The following VPS53 variants were observed in gnomAD, a reference collection of about 807,000 sequenced individuals.
VPS53 encodes the protein VPS53 subunit of GARP complex.
In VPS53, 70 loss-of-function variants were observed where a neutral mutation model predicts 107.0. The observed-to-expected ratio is 0.65, with a 90% CI of 0.54 to 0.80. The LOEUF (loss-of-function observed/expected upper bound fraction) is 0.80, where lower values mean the gene tolerates loss of function less well. Among genes scored for constraint, VPS53 ranks in the 30% least tolerant of loss-of-function variants. VPS53 has a pLI of 0.00. For synonymous variants in VPS53, 409 were observed against 393.3 expected (o/e 1.04, Z -0.47); for missense variants, 917 against 1,049.4 (o/e 0.87, Z 1.74).
intron 19 of VPS53, among the ~76,000 whole-genome samples, chr17:525,488 A>G (rs1278092297): frequency 6.6e-6 from 1 of 152,124 alleles, no homozygotes; most frequent in African/African-American, 2.4e-5. Context: ...TACGAATTCA[A>G]GATTACCCTG....
chr17:692,182 T>C (rs1972798395), intron 4 of VPS53, among the ~76,000 whole-genome samples: 3 of 152,302 alleles, frequency 2.0e-5, no homozygotes, highest in Admixed American at 1.3e-4. Context: ...GCCGGCTTTT[T>C]CTTCCTCTAA....
intron 16 of VPS53, among the ~76,000 whole-genome samples, 189 bp from the exon 17 acceptor site, chr17:552,139 C>T (rs1911877852): frequency 6.6e-6 from 1 of 152,184 alleles, no homozygotes; most frequent in Admixed American, 6.5e-5. Flanking sequence ...TGTCCTCACC[C>T]AGTCAGGATA....
At position 692,921 on chromosome 17, in the gene VPS53, G is replaced by A. The variant is rs569389312; in HGVS notation, c.285+4497C>T. Reference sequence around the variant, plus strand: ...GAGGCCGAGGCGGGCGGACCATGAAGTCAGGAGTTTGAGACCAGCCTGACC... The same window carrying A: ...GAGGCCGAGGCGGGCGGACCATGAAATCAGGAGTTTGAGACCAGCCTGACC... On this transcript the variant is annotated intron_variant, in intron 4 of 21. Transcript: ENST00000437048. Among the ~76,000 whole-genome samples, 62 of 152,270 alleles carry A rather than the reference G, an allele frequency of 4.1e-4. No individual in the cohort carries two copies. In the South Asian group the frequency reaches 0.012, roughly 30 times the overall value.
At chr17:602,238 C>T (rs1280327631) in intron 11 of VPS53, among the ~76,000 whole-genome samples, 1 of 152,230 alleles carries the variant, frequency 6.6e-6, no homozygotes, top group Non-Finnish European at 1.5e-5. Flanking sequence ...CTACATGTCT[C>T]CTACCCAGGC....
chr17:714,305 C>G (rs1270571918), intron 1 of VPS53: 7 of 364,790 alleles, frequency 1.9e-5, no homozygotes, highest in Admixed American at 4.5e-5. Flanking sequence ...ATGAAGCCCC[C>G]ACAGTCCCCA....
At chr17:643,253 TTGGAAAGTGAGGACAACACTCATAC>T (rs1970523376) in intron 7 of VPS53, among the ~76,000 whole-genome samples, 1 of 25,106 alleles carries the variant, frequency 4.0e-5, no homozygotes, top group Non-Finnish European at 1.5e-4. Flanking sequence ...ACACTCATAC[TTGGAAAGTGAGGACAACACTCATAC>T]TTGGAAAGTG....
At chr17:630,493 A>G (rs1018482852) in intron 8 of VPS53, among the ~76,000 whole-genome samples, 4 of 152,186 alleles carry the variant, frequency 2.6e-5, no homozygotes, top group Admixed American at 1.3e-4. Context: ...CCCTGCAGTT[A>G]TATCAGATGA....
intron 17 of VPS53, among the ~76,000 whole-genome samples, chr17:546,176 T>C (rs1363386837): frequency 6.6e-6 from 1 of 152,232 alleles, no homozygotes; most frequent in Non-Finnish European, 1.5e-5. Context: ...TGCTGAATCT[T>C]TGCCTCACAC....
intron 2 of VPS53, among the ~76,000 whole-genome samples, chr17:699,723 C>T (rs1973123641): frequency 6.6e-6 from 1 of 152,194 alleles, no homozygotes; most frequent in South Asian, 2.1e-4. Context: ...TGGACCTTTA[C>T]AGGAGAGTCT....
At position 519,655 on chromosome 17, in the gene VPS53, C is replaced by T. The variant is rs1908571129; in HGVS notation, c.2328+171G>A. Among the ~76,000 whole-genome samples, 1 of 152,182 alleles carries T rather than the reference C, an allele frequency of 6.6e-6. No individual in the cohort carries two copies. The highest frequency in any genetic ancestry group is 6.5e-5 in the Admixed American group (1 of 15,278). ...GGGCCTGTCAGAATCCTGAAGTGCACGTGCCCGGGGCCATCCTCCTCCAGA... is the reference window on the plus strand; with the variant it reads ...GGGCCTGTCAGAATCCTGAAGTGCATGTGCCCGGGGCCATCCTCCTCCAGA... On this transcript the variant is annotated intron_variant, in intron 21 of 21. Transcript: ENST00000437048. This position sits in a 1 kb window ranked among gnomAD's most constrained non-coding sequence, Gnocchi z 5.0.
intron 4 of VPS53, among the ~76,000 whole-genome samples, chr17:693,434 A>C (rs1281525861): frequency 6.6e-6 from 1 of 152,120 alleles, no homozygotes; most frequent in Non-Finnish European, 1.5e-5. Context: ...GTAAGTGGGG[A>C]CGACTTGTAA....
At chr17:711,802 G>A (rs1973651766) in intron 1 of VPS53, among the ~76,000 whole-genome samples, 2 of 150,710 alleles carry the variant, frequency 1.3e-5, no homozygotes, top group South Asian at 4.2e-4. Flanking sequence ...ATGCATACGT[G>A]GTACTTCATG....
intron 11 of VPS53, among the ~76,000 whole-genome samples, chr17:603,814 CTGA>C (rs1200079444): frequency 6.6e-6 from 1 of 152,120 alleles, no homozygotes; most frequent in Non-Finnish European, 1.5e-5. Flanking sequence ...TTAAGGGCTG[CTGA>C]TATTTTAGAG....
At chr17:662,429 C>T (rs990305325) in intron 4 of VPS53, among the ~76,000 whole-genome samples, 8 of 152,210 alleles carry the variant, frequency 5.3e-5, no homozygotes, top group East Asian at 1.9e-4. Flanking sequence ...GTGGCTCACG[C>T]CTGTAATCCC....
intron 2 of VPS53, among the ~76,000 whole-genome samples, chr17:703,842 C>G (rs1021811879): frequency 1.3e-5 from 2 of 151,432 alleles, no homozygotes; most frequent in African/African-American, 4.9e-5. Context: ...ATTCTGTCAC[C>G]CAGGCTGCAG....
chr17:598,704 GT>G (rs1968132638), intron 12 of VPS53, among the ~76,000 whole-genome samples: 1 of 122,190 alleles, frequency 8.2e-6, no homozygotes, highest in Non-Finnish European at 1.9e-5. Context: ...CGTCTGAGAA[GT>G]GAGGAGACCC....
At chr17:613,475 A>G (rs906070239) in intron 11 of VPS53, among the ~76,000 whole-genome samples, 2 of 152,154 alleles carry the variant, frequency 1.3e-5, no homozygotes, top group Non-Finnish European at 2.9e-5. Context: ...AACCTGTACA[A>G]ATATTCACAT....
chr17:699,356 C>T lies in VPS53; in HGVS notation c.193G>A (p.Val65Met), dbSNP rs752814244. 7 of 1,574,720 alleles carry T rather than the reference C, an allele frequency of 4.4e-6. No homozygotes were observed. In the East Asian group the frequency reaches 7.2e-5, roughly 16 times the overall value. The change falls in exon 3 of 22, where the codon GTG becomes ATG. Residue 65 changes from valine to methionine, a missense_variant. Val to Met is a conservative substitution (Grantham distance 21, BLOSUM62 1). Transcript: ENST00000437048. ...CTTATTTTCAGCCTAATTTTGTTCA[C>T]GACTTCGTCTATGTTCGCCAGAGAC... ...EQSLANIDEV[V>M]NKIRLKIRRL...
chr17:562,710 T>A lies in VPS53; in HGVS notation c.1349A>T (p.Asp450Val), dbSNP rs770115961. The A allele has an allele frequency of 8.1e-6, 13 of 1,611,624 alleles. No individual in the cohort carries two copies. Among genetic ancestry groups the A allele is most frequent in the African/African-American group, 1.4e-5 (1 of 74,008 alleles). Residue 450 changes from aspartate to valine, a missense_variant, in exon 14 of 22, where the codon GAT (aspartate) becomes GTT (valine). Transcript: ENST00000437048. ...LGELIDRFVADFKAQGPPKPN... is the reference protein window; with the variant it reads ...LGELIDRFVAVFKAQGPPKPN... ...CTTAGGTGGCCCCTGGGCTTTGAAA[T>A]CAGCCACAAACCGATCTATCAGCTC... is the stretch of plus-strand genomic sequence containing the variant.
Sources: allele counts gnomAD v4.1 joint callset (sites outside exome capture counted in the v4.1 genomes callset), GRCh38; gene constraint gnomAD v4.1.1; non-coding constraint Gnocchi (gnomAD v3.1); transcripts MANE v1.5; gene names NCBI Gene and HGNC (gene_info 2026-07-23, HGNC 2026-07-21).